Variants in RICTOR observed in about 807,000 individuals in gnomAD.
The protein encoded by RICTOR is RPTOR independent companion of MTOR complex 2.
Under a neutral mutation model 214.9 loss-of-function variants are expected in RICTOR, and 49 were observed. The ratio of observed to expected loss-of-function variants is 0.23; its 90% CI spans 0.18 to 0.29. The LOEUF (loss-of-function observed/expected upper bound fraction) is 0.29, where lower values mean the gene tolerates loss of function less well. RICTOR is among the 10% of genes least tolerant of loss of function. RICTOR has a pLI of 1.00. For missense variants in RICTOR, 1,625 were observed against 2,047.0 expected (o/e 0.79, Z 3.98); for synonymous variants, 717 against 711.3 (o/e 1.01, Z -0.13).
At chr5:38,989,213 TC>T (rs1301526069) in intron 7 of RICTOR, among the ~76,000 whole-genome samples, 1 of 152,012 alleles carries the variant, frequency 6.6e-6, no homozygotes, top group African/African-American at 2.4e-5. Context: ...ACATCATACA[TC>T]TACAACCATC....
chr5:38,945,250 T>C (rs1283257923), intron 34 of RICTOR, 182 bp from the exon 35 acceptor site: 6 of 617,344 alleles, frequency 9.7e-6, no homozygotes, highest in South Asian at 6.4e-5. Flanking sequence ...GCAAAGGGCC[T>C]GGACAGGGCT....
chr5:38,945,524 T>C lies in RICTOR; in HGVS notation c.4600A>G (p.Ser1534Gly). 1.2e-6 allele frequency: 2 copies of C among 1,614,022 alleles called. No homozygotes were observed. Among genetic ancestry groups the C allele is most frequent in the Non-Finnish European group, 1.7e-6 (2 of 1,179,876 alleles). ...CTACATATTGCACTCAGTTGGTTGC[T>C]GGGCTGGAAACCCAGAATTTCAATA... Reference protein sequence around the residue: ...VCIEILGFQPSNQLSAICSHS... With the variant: ...VCIEILGFQPGNQLSAICSHS... Residue 1534 changes from serine (S) to glycine (G), a missense_variant, in exon 34 of 38, where the codon AGC becomes GGC. Physicochemically the swap from Ser to Gly is moderately conservative, Grantham distance 56 (BLOSUM62 0). Transcript: ENST00000357387.
At chr5:38,960,049 C>G (rs1158235839) in intron 20 of RICTOR, 71 bp from the exon 21 acceptor site, 2 of 1,084,592 alleles carry the variant, frequency 1.8e-6, no homozygotes, top group Non-Finnish European at 2.8e-6. Context: ...CAACTTCAAT[C>G]AAGTACAAAA....
intron 3 of RICTOR, among the ~76,000 whole-genome samples, chr5:39,013,891 T>C (rs1754739737): frequency 6.6e-6 from 1 of 152,132 alleles, no homozygotes. Context: ...AATACCTTTT[T>C]GCATATACAT....
In RICTOR at chr5:38,945,490, C is replaced by T. The variant is rs2112812986; in HGVS notation, c.4633+1G>A. 6.3e-7 allele frequency: 1 copy of T among 1,597,390 alleles called. No homozygotes were observed. The highest frequency in any genetic ancestry group is 8.6e-7 in the Non-Finnish European group (1 of 1,165,344). On this transcript the variant is annotated splice_donor_variant, in intron 34 of 37. Transcript: ENST00000357387. LOFTEE classifies it high-confidence loss of function. ...TCTGAAGGTGGGACGTGATCACTTA[C>T]CTGAATGACTACATATTGCACTCAG... is the stretch of plus-strand genomic sequence containing the variant.
intron 2 of RICTOR, among the ~76,000 whole-genome samples, chr5:39,059,797 A>G (rs1208921322): frequency 1.3e-5 from 2 of 152,116 alleles, no homozygotes; most frequent in Non-Finnish European, 2.9e-5. Flanking sequence ...TGACCATACA[A>G]ATAAGAATAT....
chr5:38,976,284 G>C (rs759627323), intron 9 of RICTOR, among the ~76,000 whole-genome samples: 2 of 146,888 alleles, frequency 1.4e-5, no homozygotes, highest in Non-Finnish European at 3.0e-5. Context: ...CTACCCTGTC[G>C]ATTGTCCCTT....
rs1304761708 is a variant in RICTOR at position 38,994,451 on chromosome 5, A to AAAAAAAAAAAAAAAAAAAAAAAAG, written c.456+2367_456+2368insCTTTTTTTTTTTTTTTTTTTTTTT. 1.9e-4 allele frequency among the ~76,000 whole-genome samples: 19 copies of AAAAAAAAAAAAAAAAAAAAAAAAG among 101,560 alleles called. 6 individuals carry two copies. The highest frequency in any genetic ancestry group is 3.3e-4 in the African/African-American group (9 of 27,306). The allele number at this position is 101,560 out of a possible 152,430, so 66.6% of individuals were successfully genotyped here. On this transcript the variant is annotated intron_variant, in intron 6 of 37. Transcript: ENST00000357387. Reference sequence around the variant, plus strand: ...AAAAAAAAAAAAAAAAAAAAAAAAAAAGTGCTTCAGATGCCAAAAGCACTA... The same window carrying AAAAAAAAAAAAAAAAAAAAAAAAG: ...AAAAAAAAAAAAAAAAAAAAAAAAAAAAAAAAAAAAAAAAAAAAAAAAAGAGTGCTTCAGATGCCAAAAGCACTA...
At chr5:39,015,590 T>C (rs962798011) in intron 3 of RICTOR, among the ~76,000 whole-genome samples, 1 of 151,868 alleles carries the variant, frequency 6.6e-6, no homozygotes, top group Non-Finnish European at 1.5e-5. Flanking sequence ...CTGAACACCC[T>C]AAAATACACA....
intron 2 of RICTOR, among the ~76,000 whole-genome samples, chr5:39,044,782 G>A (rs1370438892): frequency 2.0e-5 from 3 of 152,140 alleles, no homozygotes; most frequent in African/African-American, 7.2e-5. Context: ...ATTTAAGCCT[G>A]CTGTCTACCT....
intron 37 of RICTOR, 54 bp from the exon 38 acceptor site, chr5:38,942,432 C>A: frequency 2.8e-5 from 26 of 927,788 alleles, no homozygotes; most frequent in South Asian, 4.0e-5. Flanking sequence ...GATGATATAA[C>A]ATATTTATAT....
At chr5:39,067,421 T>C (rs963260935) in intron 2 of RICTOR, among the ~76,000 whole-genome samples, 17 of 152,178 alleles carry the variant, frequency 1.1e-4, no homozygotes, top group Non-Finnish European at 1.8e-4. Flanking sequence ...ACCTCCAGCA[T>C]TGGGGATTAC....
rs1561426227 is a variant in RICTOR at position 38,940,144 on chromosome 5, A to AAAAAAAAAAAAAAAAC, written c.*2159_*2160insGTTTTTTTTTTTTTTT. On this transcript the variant is annotated 3_prime_UTR_variant, in exon 38 of 38. Coordinates refer to ENST00000357387, the MANE Select transcript of RICTOR (RefSeq NM_152756.5). ...CAAAGTAACAGTAAAAAAAAAAAAC[A>AAAAAAAAAAAAAAAAC]AAAAAAAAAACACAAAACATTCAGG... The AAAAAAAAAAAAAAAAC allele has an allele frequency of 7.1e-6, 1 of 140,894 alleles. No individual in the cohort carries two copies. The highest frequency in any genetic ancestry group is 4.3e-5 in the African/African-American group (1 of 23,152). 8.7% of individuals were successfully genotyped at this position (140,894 alleles called of 1,614,324 possible).
Position 38,950,267 on chromosome 5 carries a change from T to C in RICTOR, c.3581A>G (p.His1194Arg), listed in dbSNP as rs772729260. The C allele has an allele frequency of 4.3e-6, 7 of 1,613,550 alleles. No homozygotes were observed. In the East Asian group the frequency reaches 1.6e-4, roughly 36 times the overall value. Residue 1194 changes from histidine to arginine, a missense_variant, in exon 31 of 38, where the codon CAC becomes CGC. His to Arg is a conservative substitution (Grantham distance 29). Around this residue, in one of 5 missense-constraint regions of RICTOR, gnomAD observed 1,214 missense variants for 1,470.5 expected, o/e 0.83. Transcript: ENST00000357387. ...KFTKNFGTEN[H>R]RENTSRERLV... ...CCTCTCTCGGCTTGTATTTTCTCTGTGATTCTCTGTACCAAAATTCTTGGT... is the reference window on the plus strand; with the variant it reads ...CCTCTCTCGGCTTGTATTTTCTCTGCGATTCTCTGTACCAAAATTCTTGGT...
chr5:38,944,853 A>C (rs909835568), intron 35 of RICTOR, 60 bp downstream of exon 35: 32 of 1,512,490 alleles, frequency 2.1e-5, no homozygotes, highest in East Asian at 9.0e-5. Context: ...AAAACAAAAC[A>C]AAACCAACTA....
At chr5:39,070,482 A>T (rs797003184) in intron 2 of RICTOR, among the ~76,000 whole-genome samples, 2 of 151,892 alleles carry the variant, frequency 1.3e-5, no homozygotes, top group Admixed American at 6.6e-5. Flanking sequence ...TCTCAAATAA[A>T]AAAAAAAAAA....
Position 38,945,533 on chromosome 5 carries a change from A to C in RICTOR, c.4591T>G (p.Phe1531Val), listed in dbSNP as rs754787982. 1 of 1,614,128 alleles carries C rather than the reference A, an allele frequency of 6.2e-7. No individual in the cohort carries two copies. Among genetic ancestry groups the C allele is most frequent in the East Asian group, 2.2e-5 (1 of 44,880 alleles). The part of the protein sequence containing the change: ...LYCVCIEILG[F>V]QPSNQLSAIC... ...GCACTCAGTTGGTTGCTGGGCTGGA[A>C]ACCCAGAATTTCAATACAGACACAA... Residue 1531 changes from phenylalanine to valine, a missense_variant, in exon 34 of 38, where the codon TTC becomes GTC. By Grantham distance (50) the Phe-to-Val change is conservative. Transcript: ENST00000357387.
At chr5:39,014,558 A>G (rs1432790511) in intron 3 of RICTOR, among the ~76,000 whole-genome samples, 1 of 152,178 alleles carries the variant, frequency 6.6e-6, no homozygotes, top group Non-Finnish European at 1.5e-5. Flanking sequence ...AGCTTTTAAT[A>G]TAAATATATG....
At chr5:39,026,235 C>T (rs892137457) in intron 2 of RICTOR, among the ~76,000 whole-genome samples, 1 of 152,036 alleles carries the variant, frequency 6.6e-6, no homozygotes, top group African/African-American at 2.4e-5. Flanking sequence ...CCCATCTACT[C>T]GGGAGGCTGA....
Sources: gnomAD v4.1 joint callset for allele counts (sites outside exome capture counted in the v4.1 genomes callset) on GRCh38, gnomAD v4.1.1 for gene constraint, gnomAD v4.1.1 regional missense constraint, MANE v1.5 for transcripts, NCBI Gene and HGNC (gene_info 2026-07-23, HGNC 2026-07-21) for gene names.